Variants in ZRANB3 observed in about 807,000 individuals in gnomAD.
ZRANB3 encodes DNA annealing helicase and endonuclease ZRANB3.
Under a neutral mutation model 133.8 loss-of-function variants are expected in ZRANB3, and 125 were observed. The ratio of observed to expected loss-of-function variants is 0.93; its 90% CI spans 0.81 to 1.08. The LOEUF (loss-of-function observed/expected upper bound fraction) is 1.08. ZRANB3 is among the 50% of genes least tolerant of loss of function. ZRANB3 has a pLI of 0.00. For missense variants in ZRANB3, 1,229 were observed against 1,275.5 expected (o/e 0.96, Z 0.56); for synonymous variants, 387 against 432.7 (o/e 0.89, Z 1.31).
chr2:135,518,975 A>G (rs769336834), intron 1 of ZRANB3, among the ~76,000 whole-genome samples: 2 of 151,890 alleles, frequency 1.3e-5, no homozygotes, highest in Non-Finnish European at 2.9e-5. Context: ...GACAGGGGAA[A>G]CTGTTTCTGT....
Position 135,284,324 on chromosome 2 carries a change from A to G in ZRANB3, c.967-8569T>C, listed in dbSNP as rs1681242357. ...AAAAGTATTAGCTCTTATTATTAGC[A>G]TATTTCTCCAGTAAAATGCAAAAAC... On this transcript the variant is annotated intron_variant, in intron 8 of 20. Transcript: ENST00000264159. Among the ~76,000 whole-genome samples the G allele has an allele frequency of 5.3e-5, 8 of 152,236 alleles. No individual in the cohort carries two copies. The South Asian group carries it at 1.4e-3, about 28-fold the overall frequency.
chr2:135,394,868 G>A (rs530510662), intron 2 of ZRANB3, among the ~76,000 whole-genome samples: 25 of 147,214 alleles, frequency 1.7e-4, no homozygotes, highest in East Asian at 6.0e-4. Context: ...CCATAATCCC[G>A]AAGTGCTTTG....
intron 2 of ZRANB3, among the ~76,000 whole-genome samples, chr2:135,397,445 C>T (rs1436405613): frequency 7.4e-6 from 1 of 134,530 alleles, no homozygotes; most frequent in Non-Finnish European, 1.6e-5. Context: ...CAGACCCTGA[C>T]TCAAAAAAAA....
chr2:135,409,436 C>T (rs777233736), intron 2 of ZRANB3, among the ~76,000 whole-genome samples: 3 of 150,222 alleles, frequency 2.0e-5, no homozygotes, highest in Non-Finnish European at 4.4e-5. Flanking sequence ...AATCCAACAT[C>T]GCTTTATGAT....
At chr2:135,362,197 C>CAAAAA (rs1274331901) in intron 3 of ZRANB3, among the ~76,000 whole-genome samples, 2 of 73,072 alleles carry the variant, frequency 2.7e-5, no homozygotes, top group Non-Finnish European at 3.0e-5. Flanking sequence ...GACTCCGTCT[C>CAAAAA]AAAAAAAAAA....
At position 135,402,876 on chromosome 2, in the gene ZRANB3, G is replaced by A. The variant is rs561735392; in HGVS notation, c.162-12056C>T. On this transcript the variant is annotated intron_variant, in intron 2 of 20. Transcript: ENST00000264159. ...GCGAGGATTACAGGCATGAACCACCGCACCTGGCCAGTCCATTCTTTTTCA... is the reference window on the plus strand; with the variant it reads ...GCGAGGATTACAGGCATGAACCACCACACCTGGCCAGTCCATTCTTTTTCA... Among the ~76,000 whole-genome samples the A allele has an allele frequency of 3.7e-3, 565 of 152,154 alleles. 5 individuals carry two copies. Among genetic ancestry groups the A allele is most frequent in the South Asian group, 7.9e-3 (38 of 4,816 alleles).
At chr2:135,209,753 G>A (rs1303637959) in intron 17 of ZRANB3, among the ~76,000 whole-genome samples, 1 of 151,754 alleles carries the variant, frequency 6.6e-6, no homozygotes, top group African/African-American at 2.4e-5. Context: ...AGATTTTTTT[G>A]GAAATTAGTT....
chr2:135,375,991 A>G (rs554789666), intron 3 of ZRANB3, among the ~76,000 whole-genome samples: 1 of 152,220 alleles, frequency 6.6e-6, no homozygotes, highest in African/African-American at 2.4e-5. Context: ...TTTGCTGCAG[A>G]CATAAATAGC....
Position 135,197,149 on chromosome 2 carries a change from T to C in ZRANB3, c.*3193A>G, listed in dbSNP as rs1180040148. 6.6e-6 allele frequency: 1 copy of C among 152,188 alleles called. No homozygotes were observed. Among genetic ancestry groups the C allele is most frequent in the Non-Finnish European group, 1.5e-5 (1 of 68,042 alleles). The allele number at this position is 152,188 out of a possible 1,614,324, so 9.4% of individuals were successfully genotyped here. A position where few individuals can be genotyped will look rare whatever the true frequency, so the allele number is the denominator to read the frequency against. On this transcript the variant is annotated 3_prime_UTR_variant, in exon 21 of 21. Transcript: ENST00000264159. ...TAGTGCAGTGACTAGGAGCCCACAA[T>C]TTTCCAGTTCAAAAGAACAAATGGT...
intron 8 of ZRANB3, among the ~76,000 whole-genome samples, chr2:135,288,981 GTTCTTGTTTCTCTAGT>G (rs1174694239): frequency 6.6e-6 from 1 of 151,008 alleles, no homozygotes; most frequent in Non-Finnish European, 1.5e-5. Flanking sequence ...GGTCTGGTTT[GTTCTTGTTTCTCTAGT>G]TTCTTGAGGT....
intron 2 of ZRANB3, among the ~76,000 whole-genome samples, chr2:135,446,783 T>C (rs995174925): frequency 6.6e-6 from 1 of 152,186 alleles, no homozygotes; most frequent in African/African-American, 2.4e-5. Flanking sequence ...GAAGGATCAA[T>C]AGATTGTAGG....
intron 3 of ZRANB3, among the ~76,000 whole-genome samples, chr2:135,377,220 A>T (rs1468686462): frequency 6.6e-6 from 1 of 152,148 alleles, no homozygotes; most frequent in African/African-American, 2.4e-5. Context: ...CAAACCAAGG[A>T]ATGTCAAGGA....
chr2:135,261,635 T>C (rs1679970835), intron 12 of ZRANB3, among the ~76,000 whole-genome samples: 1 of 152,196 alleles, frequency 6.6e-6, no homozygotes, highest in East Asian at 1.9e-4. Flanking sequence ...TGTATACAAA[T>C]ATATATTTTT....
chr2:135,361,713 AAAAT>A (rs1685702144), intron 3 of ZRANB3, among the ~76,000 whole-genome samples: 1 of 152,206 alleles, frequency 6.6e-6, no homozygotes, highest in African/African-American at 2.4e-5. Context: ...GTATGCTTTT[AAAAT>A]CTTAGTGAGG....
At chr2:135,218,082 C>A (rs1694387521) in intron 16 of ZRANB3, among the ~76,000 whole-genome samples, 1 of 152,114 alleles carries the variant, frequency 6.6e-6, no homozygotes, top group South Asian at 2.1e-4. Flanking sequence ...AAAGTGTTGG[C>A]ATTACAGGTG....
At chr2:135,275,538 G>T in intron 9 of ZRANB3, 98 bp downstream of exon 9, 1 of 1,031,520 alleles carries the variant, frequency 9.7e-7, no homozygotes, top group Non-Finnish European at 1.3e-6. Flanking sequence ...ATCATCTAAA[G>T]AAGACAAAAA....
chr2:135,255,993 A>C (rs1172805716), intron 12 of ZRANB3, among the ~76,000 whole-genome samples: 3 of 150,836 alleles, frequency 2.0e-5, no homozygotes, highest in Non-Finnish European at 4.4e-5. Context: ...GGCTCACTAC[A>C]GACTCGACCG....
At chr2:135,511,894 C>G in intron 1 of ZRANB3, 1 of 766,906 alleles carries the variant, frequency 1.3e-6, no homozygotes, top group Non-Finnish European at 2.4e-6. Flanking sequence ...GTAATGCTGT[C>G]TCACAAATTC....
chr2:135,377,841 A>T (rs942633183), intron 3 of ZRANB3, among the ~76,000 whole-genome samples: 1 of 152,218 alleles, frequency 6.6e-6, no homozygotes, highest in Non-Finnish European at 1.5e-5. Flanking sequence ...AAAGGATATT[A>T]ACATTTGAGT....
Sources: allele counts gnomAD v4.1 joint callset (sites outside exome capture counted in the v4.1 genomes callset), GRCh38; gene constraint gnomAD v4.1.1; transcripts MANE v1.5; gene names NCBI Gene and HGNC (gene_info 2026-07-23, HGNC 2026-07-21).